The following ROBO2 variants were observed in gnomAD, a reference collection of about 807,000 sequenced individuals.
ROBO2 encodes roundabout homolog 2.
Under a neutral mutation model 160.8 loss-of-function variants are expected in ROBO2, and 53 were observed. That is an observed-to-expected ratio of 0.33 (90% CI 0.26 to 0.41). The LOEUF (loss-of-function observed/expected upper bound fraction) is 0.41, where lower values mean the gene tolerates loss of function less well. Among genes scored for constraint, ROBO2 ranks in the 10% least tolerant of loss-of-function variants. ROBO2 has a pLI of 1.00. For synonymous variants in ROBO2, 664 were observed against 611.7 expected, an observed-to-expected ratio of 1.09 and a Z score of -1.26; for missense variants, 1,577 against 1,722.4, an observed-to-expected ratio of 0.92 and a Z score of 1.49.
At chr3:77,156,307 G>A (rs924456171) in intron 2 of ROBO2, among the ~76,000 whole-genome samples, 9 of 151,984 alleles carry the variant, frequency 5.9e-5, no homozygotes, top group Non-Finnish European at 1.0e-4. Context: ...ACTTTAGATC[G>A]TGTTAAACAA....
chr3:77,527,803 A>G (rs1191557367), intron 6 of ROBO2, among the ~76,000 whole-genome samples: 5 of 151,622 alleles, frequency 3.3e-5, no homozygotes, highest in African/African-American at 1.2e-4. Context: ...TATGAACTAA[A>G]TTAAAAAATT....
At chr3:77,604,903 A>G in intron 20 of ROBO2, among the ~76,000 whole-genome samples, 1 of 152,106 alleles carries the variant, frequency 6.6e-6, no homozygotes, top group South Asian at 2.1e-4. Flanking sequence ...AACACTTAAT[A>G]TTTATTCAAT....
intron 2 of ROBO2, among the ~76,000 whole-genome samples, chr3:76,172,711 A>C (rs2073088783): frequency 6.6e-6 from 1 of 152,174 alleles, no homozygotes. Flanking sequence ...CAGATGCTGT[A>C]ATCATCAGAT....
At chr3:76,561,103 A>G (rs960569837) in intron 2 of ROBO2, among the ~76,000 whole-genome samples, 2 of 151,616 alleles carry the variant, frequency 1.3e-5, no homozygotes, top group African/African-American at 2.4e-5. Context: ...TTTCCATGGA[A>G]TAGCCTGAAA....
chr3:75,959,191 T>C (rs187755888), intron 2 of ROBO2, among the ~76,000 whole-genome samples: 5 of 151,924 alleles, frequency 3.3e-5, no homozygotes, highest in African/African-American at 9.6e-5. Context: ...AGTGGTGATA[T>C]TTATTTTTGC....
chr3:77,064,113 GTTCA>G (rs1261454481), intron 1 of ROBO2, among the ~76,000 whole-genome samples: 1 of 152,082 alleles, frequency 6.6e-6, no homozygotes. Context: ...AAATGCTTGT[GTTCA>G]TTGTTTTCAC....
At chr3:75,926,268 C>G (rs894330583) in intron 1 of ROBO2, among the ~76,000 whole-genome samples, 4 of 152,116 alleles carry the variant, frequency 2.6e-5, no homozygotes, top group Admixed American at 2.0e-4. Flanking sequence ...CTTTTAAGTT[C>G]AGGGGTACAA....
intron 2 of ROBO2, among the ~76,000 whole-genome samples, chr3:76,580,700 C>T (rs1398611880): frequency 1.3e-5 from 2 of 152,120 alleles, no homozygotes; most frequent in African/African-American, 2.4e-5. Flanking sequence ...TGTTGTTCAA[C>T]GTTTTAAACC....
chr3:76,027,533 A>G (rs1389926420), intron 2 of ROBO2, among the ~76,000 whole-genome samples: 4 of 151,884 alleles, frequency 2.6e-5, no homozygotes, highest in Non-Finnish European at 5.9e-5. Context: ...ACGCAAGGCC[A>G]CTCCTGAGAT....
intron 2 of ROBO2, among the ~76,000 whole-genome samples, chr3:76,252,928 A>C (rs191898391): frequency 6.6e-6 from 1 of 151,928 alleles, no homozygotes; most frequent in Admixed American, 6.6e-5. Context: ...TTGAAGCAGA[A>C]TTTTTCTTTC....
Position 77,628,236 on chromosome 3 carries a change from G to C in ROBO2, c.3760+5804G>C, listed in dbSNP as rs188903619. ...ATATGTATTGATTATGTTTGGGGCTGAAACATGTCAAATTGGTATGGAGTG... is the reference window on the plus strand; with the variant it reads ...ATATGTATTGATTATGTTTGGGGCTCAAACATGTCAAATTGGTATGGAGTG... On this transcript the variant is annotated intron_variant, in intron 23 of 25. Coordinates refer to ENST00000461745, the Ensembl canonical transcript of ROBO2. 2.0e-5 allele frequency among the ~76,000 whole-genome samples: 3 copies of C among 152,272 alleles called. 1 individual carries two copies. The East Asian group carries it at 5.8e-4, about 29-fold the overall frequency.
intron 2 of ROBO2, among the ~76,000 whole-genome samples, chr3:76,610,383 G>C (rs2088003835): frequency 6.6e-6 from 1 of 152,126 alleles, no homozygotes; most frequent in South Asian, 2.1e-4. Context: ...TGCAACCTCA[G>C]CAGCTCCGTG....
intron 2 of ROBO2, among the ~76,000 whole-genome samples, chr3:76,863,013 A>T (rs979154099): frequency 1.3e-5 from 2 of 152,058 alleles, no homozygotes; most frequent in East Asian, 3.9e-4. Flanking sequence ...ACACATACCT[A>T]ATCATTAACT....
intron 2 of ROBO2, among the ~76,000 whole-genome samples, chr3:77,200,257 CTAA>C (rs1560217822): frequency 2.6e-5 from 2 of 76,102 alleles, no homozygotes; most frequent in East Asian, 7.3e-4. Flanking sequence ...TATATCCTAA[CTAA>C]CATATTTTAT....
intron 2 of ROBO2, among the ~76,000 whole-genome samples, chr3:76,578,541 C>G (rs2085456467): frequency 6.6e-6 from 1 of 152,074 alleles, no homozygotes; most frequent in Admixed American, 6.6e-5. Context: ...CGATCATCAT[C>G]CCTCTTGACC....
intron 2 of ROBO2, among the ~76,000 whole-genome samples, chr3:77,291,416 C>G (rs145241001): frequency 6.8e-6 from 1 of 147,910 alleles, no homozygotes; most frequent in Admixed American, 6.7e-5. Flanking sequence ...GATAGTTAAA[C>G]GGGTAAGCTG....
intron 4 of ROBO2, among the ~76,000 whole-genome samples, chr3:77,483,561 G>C (rs1041795310): frequency 2.6e-5 from 4 of 151,556 alleles, no homozygotes; most frequent in African/African-American, 9.7e-5. Flanking sequence ...TTTTCATGGA[G>C]CAGCAATTTC....
At chr3:76,557,474 A>C in intron 2 of ROBO2, among the ~76,000 whole-genome samples, 1 of 151,924 alleles carries the variant, frequency 6.6e-6, no homozygotes, top group East Asian at 1.9e-4. Flanking sequence ...AAGGATCCTA[A>C]CATAAAGATC....
chr3:77,256,804 C>T (rs974745868), intron 2 of ROBO2, among the ~76,000 whole-genome samples: 1 of 152,198 alleles, frequency 6.6e-6, no homozygotes, highest in African/African-American at 2.4e-5. Flanking sequence ...CCGTCTTTCT[C>T]TCAATAATTT....
Sources: gnomAD v4.1 joint callset for allele counts (sites outside exome capture counted in the v4.1 genomes callset) on GRCh38, gnomAD v4.1.1 for gene constraint, MANE v1.5 for transcripts, NCBI Gene and HGNC (gene_info 2026-07-23, HGNC 2026-07-21) for gene names.